AEBP2: variants seen among roughly 807,000 people sequenced by gnomAD.
The protein encoded by AEBP2 is AE binding protein 2.
AEBP2 carries 10 observed loss-of-function variants against 50.8 expected under a neutral mutation model. The ratio of observed to expected loss-of-function variants is 0.20; its 90% CI spans 0.12 to 0.33. The LOEUF is 0.33. Ranked by LOEUF, AEBP2 falls within the 10% of genes least tolerant of loss-of-function variation. The pLI, the probability that AEBP2 is intolerant of heterozygous loss-of-function variation, is 1.00. For synonymous variants in AEBP2, 296 were observed against 261.3 expected (o/e 1.13, Z -1.28); for missense variants, 570 against 688.0 (o/e 0.83, Z 1.92).
intron 4 of AEBP2, among the ~76,000 whole-genome samples, chr12:19,497,365 C>G (rs1592769714): frequency 9.1e-6 from 1 of 110,282 alleles, no homozygotes; most frequent in East Asian, 3.2e-4. Flanking sequence ...GACAGAGTCT[C>G]ACACTTACTG....
chr12:19,462,799 G>A, intron 2 of AEBP2, 82 bp downstream of exon 2: 2 of 1,290,450 alleles, frequency 1.5e-6, no homozygotes, highest in Non-Finnish European at 1.0e-6. Context: ...CTTTTTTGCT[G>A]AAAGTAATTT....
chr12:19,498,762 T>C (rs1394478859), intron 4 of AEBP2, among the ~76,000 whole-genome samples: 2 of 152,156 alleles, frequency 1.3e-5, no homozygotes, highest in East Asian at 1.9e-4. Context: ...AAATTGAAAT[T>C]TGAAAAATGT....
chr12:19,451,711 A>G (rs1171082834), intron 1 of AEBP2, among the ~76,000 whole-genome samples: 1 of 150,634 alleles, frequency 6.6e-6, no homozygotes, highest in Non-Finnish European at 1.5e-5. Flanking sequence ...TTAAGAGACA[A>G]GGTCTCGCTT....
chr12:19,511,288 T>A (rs1334783088), intron 5 of AEBP2, among the ~76,000 whole-genome samples: 3 of 152,218 alleles, frequency 2.0e-5, no homozygotes, highest in African/African-American at 7.2e-5. Flanking sequence ...TGTAAAACAT[T>A]AATGCTGCTG....
intron 1 of AEBP2, among the ~76,000 whole-genome samples, chr12:19,431,010 T>TA (rs34747616): frequency 0.81 from 109,929 of 135,886 alleles, 44,526 homozygotes; most frequent in African/African-American, 0.9. Flanking sequence ...AGACCCTGTC[T>TA]AAAAAAAAAA....
intron 3 of AEBP2, among the ~76,000 whole-genome samples, chr12:19,490,150 T>C (rs11044602): frequency 0.021 from 3,250 of 151,838 alleles, 41 homozygotes; most frequent in East Asian, 0.042. Flanking sequence ...AATAAACTCT[T>C]GATGGTAACA....
chr12:19,456,411 T>A, intron 1 of AEBP2: 1 of 1,387,928 alleles, frequency 7.2e-7, no homozygotes, highest in Non-Finnish European at 1.0e-6. Flanking sequence ...ACACACGGGC[T>A]TGCCAGGAAC....
At chr12:19,481,636 G>T (rs1948731462) in intron 3 of AEBP2, among the ~76,000 whole-genome samples, 1 of 151,966 alleles carries the variant, frequency 6.6e-6, no homozygotes, top group South Asian at 2.1e-4. Flanking sequence ...TTGCCAACAT[G>T]CCTGGCTAAA....
intron 1 of AEBP2, chr12:19,413,539 T>C: frequency 1.4e-6 from 1 of 740,464 alleles, no homozygotes; most frequent in Non-Finnish European, 2.4e-6. Context: ...ATTTAGTTTG[T>C]TTATTGTCTA....
intron 1 of AEBP2, among the ~76,000 whole-genome samples, chr12:19,458,150 A>G (rs748967831): frequency 4.5e-4 from 68 of 152,190 alleles, no homozygotes; most frequent in Admixed American, 1.0e-3. Flanking sequence ...TGAAATTGCT[A>G]TCTAGCTCAG....
chr12:19,422,145 G>T lies in AEBP2; in HGVS notation c.-17+17929G>T, dbSNP rs141194453. Among the ~76,000 whole-genome samples the T allele has an allele frequency of 4.7e-3, 716 of 152,136 alleles. 3 individuals are homozygous for T. Among genetic ancestry groups the T allele is most frequent in the Non-Finnish European group, 5.7e-3 (389 of 67,986 alleles). Reference sequence around the variant, plus strand: ...TGATAGAGCAAGACTCTGGGTGGAGGGGGGAGGGGAAAGAAACTTTATAAA... The same window carrying T: ...TGATAGAGCAAGACTCTGGGTGGAGTGGGGAGGGGAAAGAAACTTTATAAA... On this transcript the variant is annotated intron_variant, in intron 1 of 3. Transcript: ENST00000538425.
rs765668834 is a variant in AEBP2 at position 19,520,918 on chromosome 12, CTT to C, written c.*2803_*2804del. ...CTGGTCATAGTCAAAACAATTAAGA[CTT>C]TGTTTCATGCACAAAATTATTAAAA... On this transcript the variant is annotated 3_prime_UTR_variant, in exon 8 of 8. Transcript: ENST00000266508. The C allele has an allele frequency of 6.6e-5, 10 of 152,156 alleles. No individual in the cohort carries two copies. Among genetic ancestry groups the C allele is most frequent in the Non-Finnish European group, 1.5e-5 (1 of 68,036 alleles). 9.4% of individuals were successfully genotyped at this position (152,156 alleles called of 1,614,324 possible). A position where few individuals can be genotyped will look rare whatever the true frequency, so the allele number is the denominator to read the frequency against.
chr12:19,441,781 A>G (rs944746522), intron 1 of AEBP2, among the ~76,000 whole-genome samples: 2 of 152,230 alleles, frequency 1.3e-5, no homozygotes, highest in Non-Finnish European at 2.9e-5. Flanking sequence ...TGTAAACTGC[A>G]CAATGAAGCA....
At chr12:19,466,946 C>A in intron 2 of AEBP2, 1 of 303,236 alleles carries the variant, frequency 3.3e-6, no homozygotes, top group African/African-American at 2.3e-5. Context: ...CATTATATAT[C>A]CACTTAGCAT....
intron 3 of AEBP2, among the ~76,000 whole-genome samples, chr12:19,488,862 TCA>T (rs1815547793): frequency 1.3e-5 from 2 of 152,186 alleles, no homozygotes; most frequent in South Asian, 4.1e-4. Context: ...CGATCTTGGC[TCA>T]CCACAACCTC....
chr12:19,493,155 A>G (rs1316243628), intron 3 of AEBP2, among the ~76,000 whole-genome samples: 1 of 152,208 alleles, frequency 6.6e-6, no homozygotes, highest in African/African-American at 2.4e-5. Flanking sequence ...TAATCCCAGC[A>G]CTTTGGGAGG....
chr12:19,439,634 GGA>G lies in AEBP2; in HGVS notation c.-58_-57del, dbSNP rs935587021. ...TTTGGGCGTTTGGGAGGGGGGCGAG[GGA>G]GAGAGAGTCGAGAGAGGGAGGCGGC... On this transcript the variant is annotated 5_prime_UTR_variant, in exon 1 of 8. Coordinates refer to ENST00000266508, the MANE Select transcript of AEBP2 (RefSeq NM_153207.5). The G allele has an allele frequency of 9.4e-6, 14 of 1,492,432 alleles. No individual in the cohort carries two copies. The Admixed American group carries it at 1.0e-4, about 11-fold the overall frequency. 92.4% of individuals were successfully genotyped at this position (1,492,432 alleles called of 1,614,324 possible). A position where few individuals can be genotyped will look rare whatever the true frequency, so the allele number is the denominator to read the frequency against.
At chr12:19,432,817 C>T (rs771791119) in intron 1 of AEBP2, among the ~76,000 whole-genome samples, 5 of 151,982 alleles carry the variant, frequency 3.3e-5, no homozygotes, top group African/African-American at 1.2e-4. Flanking sequence ...GAGACCCTTG[C>T]CCTTCTGGGA....
At chr12:19,450,475 A>G (rs1411187744) in intron 1 of AEBP2, among the ~76,000 whole-genome samples, 1 of 147,694 alleles carries the variant, frequency 6.8e-6, no homozygotes, top group Non-Finnish European at 1.5e-5. Context: ...ATGCACTATG[A>G]ATGTACAAAA....
Sources: gnomAD v4.1 joint callset for allele counts (sites outside exome capture counted in the v4.1 genomes callset) on GRCh38, gnomAD v4.1.1 for gene constraint, MANE v1.5 for transcripts, NCBI Gene and HGNC (gene_info 2026-07-23, HGNC 2026-07-21) for gene names.